The following NALF1 variants were observed in gnomAD, a reference collection of about 807,000 sequenced individuals.
The protein encoded by NALF1 is NALCN channel auxiliary factor 1.
Under a neutral mutation model 48.4 loss-of-function variants are expected in NALF1, and 3 were observed. The ratio of observed to expected loss-of-function variants is 0.06; its 90% CI spans 0.03 to 0.16. NALF1 has a LOEUF of 0.16. Among genes scored for constraint, NALF1 ranks in the 10% least tolerant of loss-of-function variants. NALF1 has a pLI of 1.00. For synonymous variants in NALF1, 262 were observed against 245.7 expected, an observed-to-expected ratio of 1.07 and a Z score of -0.62; for missense variants, 526 against 571.5, an observed-to-expected ratio of 0.92 and a Z score of 0.81.
chr13:107,344,518 G>A (rs533916774), intron 1 of NALF1, among the ~76,000 whole-genome samples: 124 of 152,228 alleles, frequency 8.1e-4, no homozygotes, highest in African/African-American at 2.8e-3. Context: ...TCTTATGTAC[G>A]TGATGGCTCA....
intron 1 of NALF1, among the ~76,000 whole-genome samples, chr13:107,262,039 A>G (rs1880937674): frequency 6.6e-6 from 1 of 152,162 alleles, no homozygotes; most frequent in African/African-American, 2.4e-5. Flanking sequence ...TACAGGCTTA[A>G]GATCCAAATA....
intron 1 of NALF1, among the ~76,000 whole-genome samples, chr13:107,368,001 T>C (rs752977437): frequency 6.6e-6 from 1 of 152,224 alleles, no homozygotes; most frequent in African/African-American, 2.4e-5. Flanking sequence ...GGGAATACTT[T>C]CATGTGAATA....
chr13:107,547,872 G>T (rs1566388015), intron 1 of NALF1, among the ~76,000 whole-genome samples: 1 of 152,142 alleles, frequency 6.6e-6, no homozygotes, highest in African/African-American at 2.4e-5. Context: ...GGTTGCGACT[G>T]CAAGACCAGC....
chr13:107,831,103 G>A (rs982997928), intron 1 of NALF1, among the ~76,000 whole-genome samples: 3 of 152,096 alleles, frequency 2.0e-5, no homozygotes, highest in Admixed American at 2.0e-4. Flanking sequence ...CATAAATCAA[G>A]AAGAAATCGC....
At chr13:107,590,087 T>C (rs903242674) in intron 1 of NALF1, among the ~76,000 whole-genome samples, 4 of 152,040 alleles carry the variant, frequency 2.6e-5, no homozygotes, top group Non-Finnish European at 5.9e-5. Context: ...ATGAGTACTA[T>C]TTTTGACAAA....
chr13:107,740,679 T>C (rs1876605183), intron 1 of NALF1, among the ~76,000 whole-genome samples: 1 of 152,060 alleles, frequency 6.6e-6, no homozygotes, highest in Non-Finnish European at 1.5e-5. Context: ...TAGATATTAC[T>C]GAATGTGCTC....
chr13:107,382,291 G>A (rs1214352385), intron 1 of NALF1, among the ~76,000 whole-genome samples: 1 of 152,134 alleles, frequency 6.6e-6, no homozygotes, highest in Non-Finnish European at 1.5e-5. Flanking sequence ...TGGCTTAAAA[G>A]CAAAAATCGT....
intron 1 of NALF1, among the ~76,000 whole-genome samples, chr13:107,682,864 T>C (rs1329446128): frequency 2.0e-5 from 3 of 152,184 alleles, no homozygotes; most frequent in Non-Finnish European, 4.4e-5. Context: ...TCTGCCATAG[T>C]ATGGTCCCAA....
chr13:107,822,410 G>A (rs78312495), intron 1 of NALF1, among the ~76,000 whole-genome samples: 5,301 of 151,376 alleles, frequency 0.035, 333 homozygotes, highest in African/African-American at 0.12. Context: ...CCTCTACACT[G>A]TCAGCAGCAG....
intron 1 of NALF1, among the ~76,000 whole-genome samples, chr13:107,417,058 G>A (rs1459280548): frequency 6.6e-6 from 1 of 152,180 alleles, no homozygotes; most frequent in Non-Finnish European, 1.5e-5. Context: ...ATCCCATCCC[G>A]ACATTATCCA....
At chr13:107,569,272 A>G (rs1269833395) in intron 1 of NALF1, among the ~76,000 whole-genome samples, 1 of 151,848 alleles carries the variant, frequency 6.6e-6, no homozygotes, top group Non-Finnish European at 1.5e-5. Flanking sequence ...GATTGAGACC[A>G]TCCTGGCCAA....
At chr13:107,754,017 G>A (rs1877013823) in intron 1 of NALF1, among the ~76,000 whole-genome samples, 1 of 152,122 alleles carries the variant, frequency 6.6e-6, no homozygotes, top group South Asian at 2.1e-4. Context: ...ATAGAAGAAT[G>A]CTTCCAAATG....
chr13:107,866,210 G>A lies in NALF1; in HGVS notation c.387C>T (p.Pro129=). The change falls in exon 1 of 3, where the codon CCC becomes CCT. Residue 129 remains proline (P), a synonymous_variant. Coordinates refer to ENST00000375915, the MANE Select transcript of NALF1 (RefSeq NM_001080396.3). The surrounding 1 kb of genome is among the most constrained non-coding windows in gnomAD (Gnocchi z 4.4). ...AHRLLSASSS[P]TLPPSPGDGG... ...CGTCTCCCGGGGAGGGGGGCAGGGTGGGGGACGAGGAGGCGGAGAGGAGTC... is the reference window on the plus strand; with the variant it reads ...CGTCTCCCGGGGAGGGGGGCAGGGTAGGGGACGAGGAGGCGGAGAGGAGTC... 1.3e-6 allele frequency: 2 copies of A among 1,599,002 alleles called. No homozygotes were observed. The highest frequency in any genetic ancestry group is 1.7e-6 in the Non-Finnish European group (2 of 1,173,422).
chr13:107,619,808 A>G (rs1230164609), intron 1 of NALF1, among the ~76,000 whole-genome samples: 6 of 152,182 alleles, frequency 3.9e-5, no homozygotes, highest in Admixed American at 3.9e-4. Flanking sequence ...GGTGTGTACA[A>G]TTTAGACCCT....
intron 1 of NALF1, among the ~76,000 whole-genome samples, chr13:107,712,112 A>C (rs975147629): frequency 1.3e-5 from 2 of 152,230 alleles, no homozygotes; most frequent in African/African-American, 4.8e-5. Flanking sequence ...AACCTTAATT[A>C]AGTAGTTACA....
chr13:107,186,717 C>A (rs549239242), intron 2 of NALF1, among the ~76,000 whole-genome samples: 1 of 152,324 alleles, frequency 6.6e-6, no homozygotes, highest in Admixed American at 6.5e-5. Context: ...CTTTTAGCAT[C>A]ACAATCTGTA....
At chr13:107,799,571 T>G (rs528259691) in intron 1 of NALF1, among the ~76,000 whole-genome samples, 5 of 152,342 alleles carry the variant, frequency 3.3e-5, no homozygotes, top group Non-Finnish European at 5.9e-5. Flanking sequence ...CACAATTCAC[T>G]TTTACAAATA....
intron 1 of NALF1, among the ~76,000 whole-genome samples, chr13:107,411,929 C>A (rs538652726): frequency 6.6e-6 from 1 of 152,120 alleles, no homozygotes; most frequent in African/African-American, 2.4e-5. Context: ...TGGGAGGTGG[C>A]AGCAAGGTGT....
chr13:107,483,278 T>C lies in NALF1; in HGVS notation c.916-272523A>G, dbSNP rs1436732944. ...TAAATCTCATTAAAAGTCCCAAATT[T>C]CCGTGATTCAAAGACAACTTTATTC... On this transcript the variant is annotated intron_variant, in intron 1 of 2. Transcript: ENST00000375915. 2.0e-5 allele frequency among the ~76,000 whole-genome samples: 3 copies of C among 152,248 alleles called. No individual in the cohort carries two copies. In the East Asian group the frequency reaches 5.8e-4, roughly 29 times the overall value.
Sources: allele counts gnomAD v4.1 joint callset (sites outside exome capture counted in the v4.1 genomes callset), GRCh38; gene constraint gnomAD v4.1.1; non-coding constraint Gnocchi (gnomAD v3.1); transcripts MANE v1.5; gene names NCBI Gene and HGNC (gene_info 2026-07-23, HGNC 2026-07-21).